Variants in MTDH observed in about 807,000 individuals in gnomAD.
The protein encoded by MTDH is metadherin, also known as protein LYRIC.
A neutral mutation model predicts 72.7 loss-of-function variants in MTDH; 34 were observed. The ratio of observed to expected loss-of-function variants is 0.47; its 90% CI spans 0.36 to 0.62. The LOEUF is 0.62. MTDH is among the 20% of genes least tolerant of loss of function. The pLI, the probability that MTDH is intolerant of heterozygous loss-of-function variation, is 0.00. For synonymous variants in MTDH, 266 were observed against 268.9 expected, an observed-to-expected ratio of 0.99 and a Z score of 0.10; for missense variants, 677 against 699.4, an observed-to-expected ratio of 0.97 and a Z score of 0.36.
intron 5 of MTDH, among the ~76,000 whole-genome samples, chr8:97,690,468 G>A (rs1196670262): frequency 1.3e-5 from 2 of 152,164 alleles, no homozygotes; most frequent in East Asian, 3.8e-4. Context: ...ATTTGTGTGT[G>A]TGTACATACA....
chr8:97,727,666 T>G lies in MTDH; in HGVS notation c.*2996T>G, dbSNP rs1170966173. On this transcript the variant is annotated 3_prime_UTR_variant, in exon 12 of 12. Transcript: ENST00000336273. ...GGGAAATAACTAACCTCTTCAGGCT[T>G]TATCAGGCCTGGAGGGGAACCTTGC... The G allele has an allele frequency of 1.3e-5, 2 of 151,936 alleles. No individual in the cohort carries two copies. Among genetic ancestry groups the G allele is most frequent in the Non-Finnish European group, 2.9e-5 (2 of 67,982 alleles). The allele number at this position is 151,936 out of a possible 1,614,324, so 9.4% of individuals were successfully genotyped here. A position where few individuals can be genotyped will look rare whatever the true frequency, so the allele number is the denominator to read the frequency against.
At chr8:97,681,167 G>A (rs1563541271) in intron 2 of MTDH, among the ~76,000 whole-genome samples, 2 of 152,164 alleles carry the variant, frequency 1.3e-5, no homozygotes, top group African/African-American at 2.4e-5. Flanking sequence ...ATTGAACATC[G>A]GTAGGGGAGC....
chr8:97,725,467 T>C lies in MTDH; in HGVS notation c.*797T>C, dbSNP rs941084979. ...TCAGGCAAAATCCAATTTACATTTTTCCCTTCCCTAGCAATTACTTTTTTC... is the reference window on the plus strand; with the variant it reads ...TCAGGCAAAATCCAATTTACATTTTCCCCTTCCCTAGCAATTACTTTTTTC... On this transcript the variant is annotated 3_prime_UTR_variant, in exon 12 of 12. Transcript: ENST00000336273. The C allele has an allele frequency of 2.6e-5, 4 of 152,588 alleles. No homozygotes were observed. The highest frequency in any genetic ancestry group is 5.9e-5 in the Non-Finnish European group (4 of 68,030). The allele number at this position is 152,588 out of a possible 1,614,324, so 9.5% of individuals were successfully genotyped here.
chr8:97,707,712 T>C (rs550618616), intron 8 of MTDH, among the ~76,000 whole-genome samples: 1 of 152,150 alleles, frequency 6.6e-6, no homozygotes, highest in East Asian at 1.9e-4. Context: ...TGTTTTAGCA[T>C]GTCTGTCAAT....
intron 2 of MTDH, among the ~76,000 whole-genome samples, chr8:97,675,939 G>GTTTTT (rs57318329): frequency 9.5e-6 from 1 of 105,814 alleles, no homozygotes. Context: ...TTGCAAATAG[G>GTTTTT]TTTTTTTTTT....
intron 1 of MTDH, among the ~76,000 whole-genome samples, chr8:97,653,136 AAAG>A (rs1811840926): frequency 1.3e-5 from 2 of 152,202 alleles, no homozygotes; most frequent in Non-Finnish European, 2.9e-5. Context: ...AAAAAAAAAA[AAAG>A]AATAATCATT....
intron 2 of MTDH, among the ~76,000 whole-genome samples, chr8:97,684,273 G>A (rs1047193410): frequency 6.6e-6 from 1 of 151,826 alleles, no homozygotes; most frequent in African/African-American, 2.4e-5. Context: ...TGAGTTCCAT[G>A]TTGAAATGAC....
chr8:97,685,534 G>A (rs1413945149), intron 2 of MTDH, among the ~76,000 whole-genome samples: 4 of 151,744 alleles, frequency 2.6e-5, no homozygotes, highest in Non-Finnish European at 5.9e-5. Flanking sequence ...GGCCACGGCG[G>A]GCAGAGCACA....
intron 2 of MTDH, among the ~76,000 whole-genome samples, chr8:97,671,660 T>C (rs1161081332): frequency 1.3e-5 from 2 of 151,988 alleles, no homozygotes; most frequent in African/African-American, 2.4e-5. Context: ...CTGGCCAACA[T>C]GAAGAAGCCC....
chr8:97,694,711 C>G (rs775678568), intron 6 of MTDH, among the ~76,000 whole-genome samples: 2 of 151,924 alleles, frequency 1.3e-5, no homozygotes, highest in East Asian at 3.9e-4. Context: ...CGCCTGAGCC[C>G]AGGAGTTCCA....
chr8:97,711,773 A>C (rs1186999044), intron 8 of MTDH, among the ~76,000 whole-genome samples: 1 of 152,248 alleles, frequency 6.6e-6, no homozygotes, highest in Non-Finnish European at 1.5e-5. Context: ...TAACAACAGT[A>C]ATCATAAAAG....
At chr8:97,706,906 C>T (rs997701256) in intron 8 of MTDH, among the ~76,000 whole-genome samples, 156 bp downstream of exon 8, 1 of 152,002 alleles carries the variant, frequency 6.6e-6, no homozygotes, top group East Asian at 1.9e-4. Flanking sequence ...TAGCGAGACC[C>T]CATCTCTATT....
rs1365531222 is a variant in MTDH, at chr8:97,729,712, C to T, written c.*5042C>T. Among the ~76,000 whole-genome samples, 1 of 152,078 alleles carries T rather than the reference C, an allele frequency of 6.6e-6. No homozygotes were observed. Among genetic ancestry groups the T allele is most frequent in the Non-Finnish European group, 1.5e-5 (1 of 68,022 alleles). On this transcript the variant is annotated 3_prime_UTR_variant, in exon 12 of 12. Coordinates refer to ENST00000336273, the MANE Select transcript of MTDH (RefSeq NM_178812.4). The stretch of plus-strand genomic sequence containing the variant: ...GAGTCTCGTTGCCCAGGCTGGTCTC[C>T]AATTCCTGGGTTCAAGCAATCCTCC...
At chr8:97,684,987 A>T (rs1282430811) in intron 2 of MTDH, among the ~76,000 whole-genome samples, 2 of 152,104 alleles carry the variant, frequency 1.3e-5, no homozygotes, top group African/African-American at 4.8e-5. Context: ...AATTGCTTGA[A>T]CCTGGGAGGC....
At chr8:97,678,260 A>G (rs2130976301) in intron 2 of MTDH, among the ~76,000 whole-genome samples, 1 of 152,318 alleles carries the variant, frequency 6.6e-6, no homozygotes, top group African/African-American at 2.4e-5. Context: ...CTAAACAAAA[A>G]CCACTGATGG....
intron 2 of MTDH, among the ~76,000 whole-genome samples, chr8:97,679,903 T>G (rs1303450655): frequency 1.3e-5 from 2 of 152,222 alleles, no homozygotes; most frequent in African/African-American, 4.8e-5. Context: ...CACTGCTTAT[T>G]TACTTATTTT....
intron 6 of MTDH, among the ~76,000 whole-genome samples, chr8:97,698,682 C>G (rs1431183585): frequency 6.6e-6 from 1 of 152,214 alleles, no homozygotes; most frequent in African/African-American, 2.4e-5. Flanking sequence ...TCTAATGTTT[C>G]TTAGCCAAAA....
In MTDH at chr8:97,686,282, G is replaced by A. The variant is rs139493189; in HGVS notation, c.484-386G>A. 2.5e-3 allele frequency among the ~76,000 whole-genome samples: 386 copies of A among 152,264 alleles called. 3 individuals carry two copies. The highest frequency in any genetic ancestry group is 8.9e-3 in the African/African-American group (371 of 41,558). On this transcript the variant is annotated intron_variant, in intron 2 of 11. Coordinates refer to ENST00000336273, the MANE Select transcript of MTDH (RefSeq NM_178812.4). The stretch of plus-strand genomic sequence containing the variant: ...ACGTAACTTATATTAGCATGATGTG[G>A]AAGGGCACAGGCTTTGGAGCCAGAC...
intron 1 of MTDH, among the ~76,000 whole-genome samples, chr8:97,658,689 G>A (rs764659503): frequency 1.3e-5 from 2 of 152,174 alleles, no homozygotes; most frequent in African/African-American, 2.4e-5. Flanking sequence ...TAAGTTTTGT[G>A]AGTTGCCAGT....
Sources: gnomAD v4.1 joint callset for allele counts (sites outside exome capture counted in the v4.1 genomes callset) on GRCh38, gnomAD v4.1.1 for gene constraint, MANE v1.5 for transcripts, NCBI Gene and HGNC (gene_info 2026-07-23, HGNC 2026-07-21) for gene names.